The following LRP1B variants were observed in gnomAD, a reference collection of about 807,000 sequenced individuals.
LRP1B encodes LDL receptor related protein 1B.
Under a neutral mutation model 556.6 loss-of-function variants are expected in LRP1B, and 217 were observed. The ratio of observed to expected loss-of-function variants is 0.39; its 90% CI spans 0.35 to 0.44. The LOEUF (loss-of-function observed/expected upper bound fraction) is 0.44. Ranked by LOEUF, LRP1B falls within the 20% of genes least tolerant of loss-of-function variation. The probability of loss-of-function intolerance (pLI) is 1.00; values close to 1 mark genes in which losing one functional copy is unlikely to be tolerated. For synonymous variants in LRP1B, 2,047 were observed against 1,865.8 expected, an observed-to-expected ratio of 1.10 and a Z score of -2.50; for missense variants, 5,053 against 5,620.8, an observed-to-expected ratio of 0.90 and a Z score of 3.23.
chr2:140,592,437 A>G (rs959972779), intron 43 of LRP1B, among the ~76,000 whole-genome samples: 2 of 151,976 alleles, frequency 1.3e-5, no homozygotes, highest in Non-Finnish European at 2.9e-5. Context: ...TTTTTAAATC[A>G]AATATTTCCT....
chr2:140,603,449 C>A (rs977519439), intron 41 of LRP1B, among the ~76,000 whole-genome samples: 8 of 152,066 alleles, frequency 5.3e-5, no homozygotes, highest in African/African-American at 1.9e-4. Context: ...GTATCTATAG[C>A]ATTACACGCC....
intron 1 of LRP1B, among the ~76,000 whole-genome samples, chr2:142,078,728 T>C (rs1024843359): frequency 6.6e-6 from 1 of 152,154 alleles, no homozygotes; most frequent in Non-Finnish European, 1.5e-5. Context: ...GAAGTTTCTT[T>C]AGGAATCCAC....
intron 6 of LRP1B, among the ~76,000 whole-genome samples, chr2:141,224,036 A>T (rs1032837841): frequency 6.6e-6 from 1 of 152,220 alleles, no homozygotes; most frequent in African/African-American, 2.4e-5. Flanking sequence ...GACGAATGAG[A>T]TCTAATTAAA....
chr2:141,867,498 T>A (rs1001520910), intron 1 of LRP1B, among the ~76,000 whole-genome samples: 1 of 152,136 alleles, frequency 6.6e-6, no homozygotes, highest in African/African-American at 2.4e-5. Context: ...AAGCACTCTT[T>A]GAGATCTTAC....
intron 1 of LRP1B, among the ~76,000 whole-genome samples, chr2:142,125,895 T>A (rs993337578): frequency 5.3e-5 from 8 of 151,846 alleles, no homozygotes; most frequent in Non-Finnish European, 1.2e-4. Flanking sequence ...TCAAGATAGT[T>A]TTGGTCATTA....
intron 2 of LRP1B, among the ~76,000 whole-genome samples, chr2:141,708,205 C>A (rs1274904182): frequency 6.8e-6 from 1 of 147,882 alleles, no homozygotes; most frequent in Non-Finnish European, 1.5e-5. Context: ...GCACATGTAT[C>A]CCAGGACTTA....
chr2:141,597,589 T>C (rs1340984959), intron 2 of LRP1B, among the ~76,000 whole-genome samples: 1 of 152,154 alleles, frequency 6.6e-6, no homozygotes, highest in Non-Finnish European at 1.5e-5. Context: ...GACTGCATGT[T>C]CTTATATTGG....
At chr2:140,252,062 CAAAAAA>C in intron 86 of LRP1B, among the ~76,000 whole-genome samples, 70 of 18,560 alleles carry the variant, frequency 3.8e-3, no homozygotes, top group Admixed American at 4.2e-3. Context: ...TGACAAGATG[CAAAAAA>C]AAAAAAAAAA....
chr2:141,028,957 G>T (rs951434093), intron 11 of LRP1B, among the ~76,000 whole-genome samples: 22 of 152,116 alleles, frequency 1.4e-4, no homozygotes, highest in Non-Finnish European at 4.4e-5. Flanking sequence ...GAGCTGGGTT[G>T]GGTGTGGTGG....
At chr2:140,877,846 C>G (rs1321788185) in intron 25 of LRP1B, among the ~76,000 whole-genome samples, 1 of 152,182 alleles carries the variant, frequency 6.6e-6, no homozygotes, top group African/African-American at 2.4e-5. Context: ...TGGCACATGT[C>G]ATCAGGACCT....
At chr2:142,109,660 C>G (rs1044501290) in intron 1 of LRP1B, among the ~76,000 whole-genome samples, 2 of 152,032 alleles carry the variant, frequency 1.3e-5, no homozygotes, top group African/African-American at 4.8e-5. Flanking sequence ...TCAGCACACT[C>G]TAATAAATTA....
intron 25 of LRP1B, among the ~76,000 whole-genome samples, chr2:140,880,430 A>G (rs908675537): frequency 6.6e-6 from 1 of 152,102 alleles, no homozygotes; most frequent in Non-Finnish European, 1.5e-5. Context: ...GCTCCTCCCT[A>G]AGACTCTCAA....
rs747831989 is a variant in LRP1B, at chr2:140,506,918, G to C, written c.8399C>G (p.Ala2800Gly). Reference protein sequence around the residue: ...GSDELSTAGCAPNNTCDENAF... With the variant: ...GSDELSTAGCGPNNTCDENAF... Reference sequence around the variant, plus strand: ...ATTTTCATCACATGTATTATTGGGAGCTAAGAAAGGCATCACAAAAAATAA... The same window carrying C: ...ATTTTCATCACATGTATTATTGGGACCTAAGAAAGGCATCACAAAAAATAA... The change falls in exon 53 of 91, where the codon GCT becomes GGT. Residue 2800 changes from alanine to glycine, a missense_variant and splice_region_variant. Transcript: ENST00000389484. 2 of 1,613,032 alleles carry C rather than the reference G, an allele frequency of 1.2e-6. No individual in the cohort carries two copies. The highest frequency in any genetic ancestry group is 1.7e-5 in the Admixed American group (1 of 59,820).
rs772472942 is a variant in LRP1B, at chr2:141,517,029, A to AAAAAAAAAAAAAAACAAAAAAAC, written c.206-36497_206-36496insGTTTTTTTGTTTTTTTTTTTTTT. ...TAAAAAAAAAAAAAAAAAAAAAAAAAAAAGTAAATCAATGAAATAATTTAA... is the reference window on the plus strand; with the variant it reads ...TAAAAAAAAAAAAAAAAAAAAAAAAAAAAAAAAAAAAAAACAAAAAAACAAAGTAAATCAATGAAATAATTTAA... On this transcript the variant is annotated intron_variant, in intron 2 of 90. Coordinates refer to ENST00000389484, the MANE Select transcript of LRP1B (RefSeq NM_018557.3). Among the ~76,000 whole-genome samples the AAAAAAAAAAAAAAACAAAAAAAC allele has an allele frequency of 5.8e-4, 52 of 90,168 alleles. 6 individuals are homozygous for AAAAAAAAAAAAAAACAAAAAAAC. The highest frequency in any genetic ancestry group is 7.0e-4 in the Non-Finnish European group (33 of 46,904). The allele number at this position is 90,168 out of a possible 152,430, so 59.2% of individuals were successfully genotyped here.
chr2:141,467,775 A>G (rs1197584902), intron 3 of LRP1B, among the ~76,000 whole-genome samples: 2 of 141,666 alleles, frequency 1.4e-5, no homozygotes, highest in Non-Finnish European at 3.0e-5. Context: ...GCAGGCATAA[A>G]TATTCCTGAC....
intron 41 of LRP1B, among the ~76,000 whole-genome samples, chr2:140,659,600 A>C (rs920891815): frequency 2.0e-5 from 3 of 152,112 alleles, no homozygotes; most frequent in African/African-American, 7.2e-5. Flanking sequence ...AAGAAACAGG[A>C]AACATTCAAC....
At chr2:141,381,137 G>A (rs1032158250) in intron 3 of LRP1B, among the ~76,000 whole-genome samples, 1 of 151,864 alleles carries the variant, frequency 6.6e-6, no homozygotes, top group East Asian at 1.9e-4. Context: ...AAAAAATAAT[G>A]GTCATAAAAA....
At chr2:140,482,384 A>G (rs149261780) in intron 59 of LRP1B, among the ~76,000 whole-genome samples, 1 of 152,340 alleles carries the variant, frequency 6.6e-6, no homozygotes, top group Non-Finnish European at 1.5e-5. Context: ...ACAAAAAGAT[A>G]AAATTTGCAG....
chr2:140,938,915 CA>C (rs1695312177), intron 20 of LRP1B, among the ~76,000 whole-genome samples: 1 of 151,940 alleles, frequency 6.6e-6, no homozygotes, highest in African/African-American at 2.4e-5. Flanking sequence ...AAGAAATAAA[CA>C]ATAACAAAAG....
Sources: allele counts gnomAD v4.1 joint callset (sites outside exome capture counted in the v4.1 genomes callset), GRCh38; gene constraint gnomAD v4.1.1; transcripts MANE v1.5; gene names NCBI Gene and HGNC (gene_info 2026-07-23, HGNC 2026-07-21).